C7orf78: variants seen among roughly 807,000 people sequenced by gnomAD.
The protein encoded by C7orf78 is chromosome 7 open reading frame 78, also known as putative uncharacterized protein C7orf78.
the C7orf78 span, among the ~76,000 whole-genome samples, chr7:12,495,531 T>G: frequency 0.095 from 14,506 of 152,244 alleles, 849 homozygotes; most frequent in Non-Finnish European, 0.13. Context: ...GTTGTGTTGG[T>G]TATTTCCAGT....
the C7orf78 span, among the ~76,000 whole-genome samples, chr7:12,498,195 A>G: frequency 6.6e-6 from 1 of 152,120 alleles, no homozygotes; most frequent in Admixed American, 6.5e-5. Context: ...CTCCAAAGGA[A>G]CGCAGCTCCT....
At chr7:12,532,338 T>A in the C7orf78 span, among the ~76,000 whole-genome samples, 5 of 152,044 alleles carry the variant, frequency 3.3e-5, no homozygotes, top group East Asian at 1.9e-4. Flanking sequence ...TCACGAGGTC[T>A]GGAGTTCGAG....
chr7:12,534,710 T>G, the C7orf78 span, among the ~76,000 whole-genome samples: 15 of 152,276 alleles, frequency 9.9e-5, no homozygotes, highest in African/African-American at 3.6e-4. Flanking sequence ...ATTCCAACAC[T>G]GGTAAGCCAA....
At chr7:12,532,274 G>A in the C7orf78 span, among the ~76,000 whole-genome samples, 1 of 152,142 alleles carries the variant, frequency 6.6e-6, no homozygotes, top group East Asian at 1.9e-4. Context: ...ACCTGGCCGG[G>A]CATGGTGGCT....
the C7orf78 span, among the ~76,000 whole-genome samples, chr7:12,528,375 T>C: frequency 6.6e-6 from 1 of 151,376 alleles, no homozygotes; most frequent in Non-Finnish European, 1.5e-5. Flanking sequence ...TCCTAGTATA[T>C]GCTATGTGTC....
At chr7:12,514,403 T>C in the C7orf78 span, among the ~76,000 whole-genome samples, 1 of 152,136 alleles carries the variant, frequency 6.6e-6, no homozygotes, top group Non-Finnish European at 1.5e-5. Flanking sequence ...GAATATCTTT[T>C]CCCATACCTG....
chr7:12,505,713 A>C, the C7orf78 span, among the ~76,000 whole-genome samples: 1 of 151,996 alleles, frequency 6.6e-6, no homozygotes, highest in Non-Finnish European at 1.5e-5. Flanking sequence ...TCAGTCATAT[A>C]TTTCATAGCT....
At chr7:12,514,941 C>A in the C7orf78 span, among the ~76,000 whole-genome samples, 1 of 152,210 alleles carries the variant, frequency 6.6e-6, no homozygotes, top group Non-Finnish European at 1.5e-5. Flanking sequence ...CTGAACACAT[C>A]ATCCCATTCC....
chr7:12,527,274 A>G, the C7orf78 span, among the ~76,000 whole-genome samples: 14 of 109,100 alleles, frequency 1.3e-4, no homozygotes, highest in Admixed American at 6.3e-4. Context: ...AGTATATGCT[A>G]TGTGTCACTC....
At chr7:12,499,270 A>G in the C7orf78 span, among the ~76,000 whole-genome samples, 1 of 152,130 alleles carries the variant, frequency 6.6e-6, no homozygotes, top group African/African-American at 2.4e-5. Context: ...AAATGCTCCA[A>G]TTAAAAGACA....
At chr7:12,526,978 G>C in the C7orf78 span, among the ~76,000 whole-genome samples, 2 of 150,724 alleles carry the variant, frequency 1.3e-5, no homozygotes, top group Admixed American at 1.3e-4. Flanking sequence ...CACTTTGGTA[G>C]AAAATGCCAT....
At chr7:12,528,807 C>G in the C7orf78 span, 65 of 396,412 alleles carry the variant, frequency 1.6e-4, 2 homozygotes, top group South Asian at 8.8e-3. Context: ...CTTACCACTC[C>G]TGGGTCCTGA....
At chr7:12,513,812 T>A in the C7orf78 span, among the ~76,000 whole-genome samples, 127,017 of 151,892 alleles carry the variant, frequency 0.84, 53,311 homozygotes, top group East Asian at 0.92. Flanking sequence ...CATCCTGGCT[T>A]ACACGGTGAA....
At chr7:12,525,933 G>GA in the C7orf78 span, 87 of 395,124 alleles carry the variant, frequency 2.2e-4, no homozygotes, top group Middle Eastern at 6.4e-4. Context: ...ATGAATATTG[G>GA]AAAAAAAACT....
chr7:12,510,204 C>G, the C7orf78 span, among the ~76,000 whole-genome samples: 6 of 151,832 alleles, frequency 4.0e-5, no homozygotes, highest in East Asian at 1.2e-3. Flanking sequence ...GAGACAGGAT[C>G]CTACTCTGTC....
At chr7:12,483,624 C>T in the C7orf78 span, 1 of 151,114 alleles carries the variant, frequency 6.6e-6, no homozygotes, top group Admixed American at 6.7e-5. Context: ...AATCCCAGCC[C>T]TTTGGAAGCC....
At chr7:12,529,509 A>G in the C7orf78 span, among the ~76,000 whole-genome samples, 10 of 152,342 alleles carry the variant, frequency 6.6e-5, no homozygotes, top group Middle Eastern at 3.4e-3. Flanking sequence ...TCTGAGCCAA[A>G]TTGGTGACCA....
the C7orf78 span, among the ~76,000 whole-genome samples, chr7:12,486,671 A>C: frequency 6.6e-6 from 1 of 152,036 alleles, no homozygotes; most frequent in Admixed American, 6.6e-5. Context: ...CATTTTAGTC[A>C]ACATTGTGGG....
the C7orf78 span, among the ~76,000 whole-genome samples, chr7:12,503,233 T>TAATAAATAAATA: frequency 0.15 from 19,172 of 131,176 alleles, 1,744 homozygotes; most frequent in African/African-American, 0.24. Context: ...TAAAGTATAA[T>TAATAAATAAATA]AATAAACAAA....
Sources: allele counts gnomAD v4.1 joint callset (sites outside exome capture counted in the v4.1 genomes callset), GRCh38; gene constraint gnomAD v4.1.1; transcripts MANE v1.5; gene names NCBI Gene and HGNC (gene_info 2026-07-23, HGNC 2026-07-21).